ANO4: variants seen among roughly 807,000 people sequenced by gnomAD.
ANO4 encodes the protein anoctamin-4.
ANO4 carries 69 observed loss-of-function variants against 141.9 expected under a neutral mutation model. That is an observed-to-expected ratio of 0.49 (90% CI 0.40 to 0.59). ANO4 has a LOEUF of 0.59. ANO4 is among the 20% of genes least tolerant of loss of function. The probability of loss-of-function intolerance (pLI) is 0.00; values close to 1 mark genes in which losing one functional copy is unlikely to be tolerated. For missense variants in ANO4, 894 were observed against 1,162.2 expected (o/e 0.77, Z 3.36); for synonymous variants, 350 against 394.3 (o/e 0.89, Z 1.33).
chr12:100,944,427 A>C (rs2042634055), intron 5 of ANO4, among the ~76,000 whole-genome samples: 1 of 152,210 alleles, frequency 6.6e-6, no homozygotes, highest in Admixed American at 6.5e-5. Context: ...AAAAAATAGC[A>C]ATTGGAAAAA....
chr12:100,868,696 C>T (rs1427287739), intron 1 of ANO4, among the ~76,000 whole-genome samples: 2 of 152,132 alleles, frequency 1.3e-5, no homozygotes, highest in African/African-American at 4.8e-5. Flanking sequence ...CCTCCTCCCC[C>T]TTGTGGGAGT....
intron 22 of ANO4, among the ~76,000 whole-genome samples, chr12:101,103,114 T>C (rs2050255048): frequency 6.8e-6 from 1 of 148,074 alleles, no homozygotes. Flanking sequence ...TTTTGAGATT[T>C]TCTACCATAT....
intron 14 of ANO4, among the ~76,000 whole-genome samples, chr12:101,062,422 A>G (rs999128074): frequency 6.6e-6 from 1 of 152,190 alleles, no homozygotes; most frequent in East Asian, 1.9e-4. Flanking sequence ...GTGCTGGGAG[A>G]TCTGCTGCTC....
At chr12:100,755,976 A>G (rs1299546071) in intron 3 of ANO4, among the ~76,000 whole-genome samples, 3 of 152,228 alleles carry the variant, frequency 2.0e-5, no homozygotes, top group Non-Finnish European at 4.4e-5. Flanking sequence ...AATAGTTATC[A>G]CTAGGAGAAA....
Position 101,031,825 on chromosome 12 carries a change from A to G in ANO4, c.842-5270A>G, listed in dbSNP as rs532419284. Among the ~76,000 whole-genome samples the G allele has an allele frequency of 8.5e-5, 13 of 152,256 alleles. No individual in the cohort carries two copies. The East Asian group carries it at 2.3e-3, about 27-fold the overall frequency. The stretch of plus-strand genomic sequence containing the variant: ...AGAGCCAAATCATGAATTAATTCCC[A>G]CTCACAATCACTACAAAGAGAATAA... On this transcript the variant is annotated intron_variant, in intron 9 of 27. Transcript: ENST00000392977.
intron 26 of ANO4, among the ~76,000 whole-genome samples, chr12:101,123,059 CTT>C (rs2051158532): frequency 6.6e-6 from 1 of 152,188 alleles, no homozygotes; most frequent in Non-Finnish European, 1.5e-5. Flanking sequence ...AATTTCATCT[CTT>C]GTCACATATA....
At chr12:101,033,306 G>A (rs2047053857) in intron 9 of ANO4, among the ~76,000 whole-genome samples, 1 of 151,722 alleles carries the variant, frequency 6.6e-6, no homozygotes, top group South Asian at 2.1e-4. Context: ...ATCACACTCT[G>A]GGGACTGTTG....
chr12:101,107,636 G>A (rs918523992), intron 22 of ANO4, among the ~76,000 whole-genome samples: 1 of 152,170 alleles, frequency 6.6e-6, no homozygotes, highest in African/African-American at 2.4e-5. Context: ...TCTGTGTGGG[G>A]TGTATTTGGA....
At chr12:100,980,938 A>G (rs1366456611) in intron 7 of ANO4, among the ~76,000 whole-genome samples, 1 of 152,090 alleles carries the variant, frequency 6.6e-6, no homozygotes. Context: ...TCTGTGGAAG[A>G]TATGATTACA....
chr12:100,864,444 GA>G (rs1410255937), intron 1 of ANO4, among the ~76,000 whole-genome samples: 1 of 152,086 alleles, frequency 6.6e-6, no homozygotes, highest in Non-Finnish European at 1.5e-5. Flanking sequence ...TTCCTATCCA[GA>G]ATTCTGTCCT....
intron 15 of ANO4, 64 bp from the exon 16 acceptor site, chr12:101,083,614 T>C (rs1034535611): frequency 1.3e-6 from 2 of 1,535,356 alleles, no homozygotes; most frequent in Non-Finnish European, 1.7e-6. Context: ...GGTAAAATGA[T>C]ATTTCTTTTT....
At chr12:101,068,415 ATC>A in intron 14 of ANO4, 1 of 930,522 alleles carries the variant, frequency 1.1e-6, no homozygotes, top group South Asian at 1.3e-5. Flanking sequence ...GAAGCTGAGT[ATC>A]TCGCTGTTTT....
chr12:100,981,822 G>A (rs936258257), intron 7 of ANO4, among the ~76,000 whole-genome samples: 2 of 152,090 alleles, frequency 1.3e-5, no homozygotes, highest in African/African-American at 4.8e-5. Flanking sequence ...TTAGCATGTT[G>A]GGAGCAAGAT....
chr12:100,908,347 CA>C (rs954635287), intron 2 of ANO4, among the ~76,000 whole-genome samples: 20 of 151,978 alleles, frequency 1.3e-4, no homozygotes, highest in African/African-American at 4.3e-4. Context: ...AACTCTGTCT[CA>C]AAAAAACAAA....
At chr12:100,724,142 C>T (rs1255218565) in intron 1 of ANO4, among the ~76,000 whole-genome samples, 3 of 152,100 alleles carry the variant, frequency 2.0e-5, no homozygotes, top group Admixed American at 1.3e-4. Flanking sequence ...AACAGTGAAT[C>T]AAGTAGGTGT....
intron 1 of ANO4, among the ~76,000 whole-genome samples, chr12:100,854,914 A>G (rs2038084497): frequency 6.6e-6 from 1 of 152,058 alleles, no homozygotes. Context: ...CTGGCTTCTC[A>G]TGGACTGGGT....
chr12:100,860,914 G>C (rs961386495), intron 1 of ANO4, among the ~76,000 whole-genome samples: 1 of 152,202 alleles, frequency 6.6e-6, no homozygotes, highest in African/African-American at 2.4e-5. Flanking sequence ...TTCAAGAATG[G>C]GGCCGCGGAC....
At chr12:100,958,691 G>A (rs112227693) in intron 5 of ANO4, among the ~76,000 whole-genome samples, 3,350 of 151,836 alleles carry the variant, frequency 0.022, 105 homozygotes, top group African/African-American at 0.074. Flanking sequence ...TACAAAAAAT[G>A]CAAAAAATTA....
intron 25 of ANO4, 69 bp from the exon 26 acceptor site, chr12:101,120,451 G>A (rs2051039723): frequency 7.5e-7 from 1 of 1,340,276 alleles, no homozygotes; most frequent in Non-Finnish European, 1.1e-6. Context: ...ACTATATAAT[G>A]AGAATGGAAG....
Sources: gnomAD v4.1 joint callset for allele counts (sites outside exome capture counted in the v4.1 genomes callset) on GRCh38, gnomAD v4.1.1 for gene constraint, MANE v1.5 for transcripts, NCBI Gene and HGNC (gene_info 2026-07-23, HGNC 2026-07-21) for gene names.